Variants in SEMA6A observed in about 807,000 individuals in gnomAD.
SEMA6A encodes the protein semaphorin 6A, also known as semaphorin-6A.
SEMA6A carries 25 observed loss-of-function variants against 96.8 expected under a neutral mutation model. That is an observed-to-expected ratio of 0.26 (90% confidence interval 0.19 to 0.36). The LOEUF (loss-of-function observed/expected upper bound fraction) is 0.36, where lower values mean the gene tolerates loss of function less well. Ranked by LOEUF, SEMA6A falls within the 10% of genes least tolerant of loss-of-function variation. The pLI, the probability that SEMA6A is intolerant of heterozygous loss-of-function variation, is 1.00. For missense variants in SEMA6A, 1,363 were observed against 1,323.1 expected (o/e 1.03, Z -0.47); for synonymous variants, 612 against 518.0 (o/e 1.18, Z -2.46).
At chr5:116,454,608 A>G (rs1754875417) in intron 18 of SEMA6A, among the ~76,000 whole-genome samples, 1 of 152,154 alleles carries the variant, frequency 6.6e-6, no homozygotes, top group South Asian at 2.1e-4. Context: ...GCCACACCCC[A>G]GCCAGTCGAG....
chr5:116,468,019 CT>C, intron 17 of SEMA6A: 1 of 420,230 alleles, frequency 2.4e-6, no homozygotes, highest in South Asian at 3.6e-5. Context: ...ATCACTTAAC[CT>C]CTTCCTGTGC....
chr5:116,487,103 AAAAAG>A (rs560522927), intron 9 of SEMA6A, 137 bp from the exon 10 acceptor site: 15,353 of 629,212 alleles, frequency 0.024, 148 homozygotes, highest in Non-Finnish European at 0.034. Context: ...AACAAAAAAA[AAAAAG>A]AAAGAAAAGA....
rs760954593 is a variant in SEMA6A, at chr5:116,475,526, G to T, written c.1708+19C>A. Reference sequence around the variant, plus strand: ...GCATCTTTGCCCAAAGATAAAAATGGATAAAAGACTGTACTTACTGTGACA... The same window carrying T: ...GCATCTTTGCCCAAAGATAAAAATGTATAAAAGACTGTACTTACTGTGACA... On this transcript the variant is annotated intron_variant, in intron 16 of 18. Coordinates refer to ENST00000343348, the MANE Select transcript of SEMA6A (RefSeq NM_020796.5). The T allele has an allele frequency of 5.1e-6, 8 of 1,570,052 alleles. No homozygotes were observed. Among genetic ancestry groups the T allele is most frequent in the Admixed American group, 3.6e-5 (2 of 55,722 alleles).
chr5:116,494,569 TTTGTG>T (rs2112742818), intron 6 of SEMA6A, among the ~76,000 whole-genome samples: 1 of 152,296 alleles, frequency 6.6e-6, no homozygotes, highest in Non-Finnish European at 1.5e-5. Context: ...GGCAGGAACT[TTTGTG>T]TTGTGCTTCC....
intron 18 of SEMA6A, among the ~76,000 whole-genome samples, chr5:116,458,191 C>T (rs1458896199): frequency 1.3e-5 from 2 of 152,148 alleles, no homozygotes; most frequent in African/African-American, 4.8e-5. Flanking sequence ...ATGCAAACTA[C>T]TAATTGATTC....
At chr5:116,483,231 T>C (rs571486607) in intron 10 of SEMA6A, among the ~76,000 whole-genome samples, 1 of 152,350 alleles carries the variant, frequency 6.6e-6, no homozygotes, top group South Asian at 2.1e-4. Context: ...CCTATAATTA[T>C]ATCCTTGCCT....
chr5:116,458,884 G>A (rs906337662), intron 18 of SEMA6A, among the ~76,000 whole-genome samples: 3 of 151,988 alleles, frequency 2.0e-5, no homozygotes, highest in African/African-American at 4.8e-5. Flanking sequence ...TGGGCTTCTC[G>A]GCTCTGGACC....
At chr5:116,472,627 G>A (rs1289741600) in intron 17 of SEMA6A, 3 of 422,462 alleles carry the variant, frequency 7.1e-6, no homozygotes, top group Non-Finnish European at 1.2e-5. Flanking sequence ...CTCATTAAAT[G>A]TATTCACCAA....
intron 5 of SEMA6A, 174 bp from the exon 6 acceptor site, chr5:116,495,688 G>A (rs1325044833): frequency 1.1e-5 from 6 of 556,446 alleles, no homozygotes; most frequent in South Asian, 7.1e-5. Flanking sequence ...CGACATCAAC[G>A]ATTACTCTTT....
chr5:116,547,517 T>C (rs1760231565), intron 1 of SEMA6A, among the ~76,000 whole-genome samples: 1 of 152,062 alleles, frequency 6.6e-6, no homozygotes, highest in Non-Finnish European at 1.5e-5. Flanking sequence ...AAAGCATTCA[T>C]CATTTTCCCC....
intron 1 of SEMA6A, among the ~76,000 whole-genome samples, chr5:116,538,971 T>C (rs964634649): frequency 3.2e-4 from 48 of 152,198 alleles, no homozygotes; most frequent in African/African-American, 1.1e-3. Context: ...TTATTGGAGT[T>C]GGCATATTTT....
chr5:116,532,134 C>T (rs1010539321), intron 1 of SEMA6A, among the ~76,000 whole-genome samples: 1 of 152,198 alleles, frequency 6.6e-6, no homozygotes, highest in African/African-American at 2.4e-5. Flanking sequence ...TGTTCGAGTG[C>T]TATTTCTTTG....
chr5:116,566,820 A>T (rs796259928), intron 1 of SEMA6A, among the ~76,000 whole-genome samples: 48 of 152,318 alleles, frequency 3.2e-4, no homozygotes, highest in African/African-American at 1.1e-3. Flanking sequence ...GGAAGGCAGT[A>T]GTTTGCTTTT....
In SEMA6A at chr5:116,447,396, G is replaced by A; in HGVS notation, c.2310C>T (p.Pro770=). The A allele has an allele frequency of 6.2e-6, 10 of 1,614,054 alleles. No homozygotes were observed. The highest frequency in any genetic ancestry group is 8.5e-6 in the Non-Finnish European group (10 of 1,179,904). ...TCTCCCACTCGCGGCTGCCGCGGCT[G>A]GGCTTCCGCTTCTGCTGCAGCGTTG... ...STPTLQQKRK[P]SRGSREWERN... is the part of the protein sequence containing the mutation. Residue 770 remains proline (P), a synonymous_variant, in exon 19 of 19, where the codon CCC becomes CCT. Coordinates refer to ENST00000343348, the MANE Select transcript of SEMA6A (RefSeq NM_020796.5).
rs17139919 is a variant in SEMA6A at position 116,488,943 on chromosome 5, A to G, written c.600T>C (p.Ser200=). The G allele has an allele frequency of 6.7e-3, 10,677 of 1,588,862 alleles. 433 individuals are homozygous for G. The Admixed American group carries it at 0.088, about 13-fold the overall frequency. The change falls in exon 8 of 19, where the codon AGT becomes AGC. Residue 200 remains serine, a synonymous_variant. Transcript: ENST00000343348. ...FLAIDAVIYR[S]LGESPTLRTV... is the part of the protein sequence containing the mutation. ...TCCGCAGGGTAGGGCTTTCTCCAAG[A>G]CTCCGGTAAATGACTGCGTCAATGG...
At chr5:116,474,892 C>T (rs182089240) in intron 16 of SEMA6A, among the ~76,000 whole-genome samples, 15 of 152,156 alleles carry the variant, frequency 9.9e-5, no homozygotes, top group Admixed American at 5.2e-4. Flanking sequence ...TGATATTAAT[C>T]GGGTCACATG....
chr5:116,503,571 G>C (rs1011842946), intron 2 of SEMA6A, among the ~76,000 whole-genome samples: 1 of 150,952 alleles, frequency 6.6e-6, no homozygotes, highest in African/African-American at 2.4e-5. Flanking sequence ...GAGTGCAGTG[G>C]TGTGATCTCG....
chr5:116,457,208 T>C (rs1051399829), intron 18 of SEMA6A, among the ~76,000 whole-genome samples: 1 of 152,162 alleles, frequency 6.6e-6, no homozygotes, highest in African/African-American at 2.4e-5. Context: ...TAGGGTATAT[T>C]TATTACCTTA....
intron 17 of SEMA6A, chr5:116,472,802 A>G: frequency 9.8e-7 from 1 of 1,025,158 alleles, no homozygotes; most frequent in Non-Finnish European, 1.4e-6. Context: ...CTGGTCCATG[A>G]TGTTTAGGAA....
Sources: allele counts gnomAD v4.1 joint callset (sites outside exome capture counted in the v4.1 genomes callset), GRCh38; gene constraint gnomAD v4.1.1; transcripts MANE v1.5; gene names NCBI Gene and HGNC (gene_info 2026-07-23, HGNC 2026-07-21).